The following VAV2 variants were observed in gnomAD, a reference collection of about 807,000 sequenced individuals.
The protein encoded by VAV2 is vav guanine nucleotide exchange factor 2.
In VAV2, 67 loss-of-function variants were observed where a neutral mutation model predicts 132.5. The observed-to-expected ratio is 0.51, with a 90% confidence interval of 0.42 to 0.62. VAV2 has a LOEUF of 0.62. VAV2 is among the 20% of genes least tolerant of loss of function. VAV2 has a pLI of 0.00. For synonymous variants in VAV2, 492 were observed against 443.5 expected (o/e 1.11, Z -1.37); for missense variants, 938 against 1,153.6 (o/e 0.81, Z 2.71).
rs368899494 is a variant in VAV2, at chr9:133,807,289, G to A, written c.704C>T (p.Ala235Val). 23 of 1,610,976 alleles carry A rather than the reference G, an allele frequency of 1.4e-5. No homozygotes were observed. The highest frequency in any genetic ancestry group is 1.7e-5 in the Non-Finnish European group (20 of 1,179,230). The change falls in exon 8 of 30, where the codon GCG becomes GTG. Residue 235 changes from alanine to valine, a missense_variant. By Grantham distance (64) the Ala-to-Val change is moderately conservative (BLOSUM62 0). Transcript: ENST00000371850. ...GTTAATGAAGACAGCTGCCATGTCC[G>A]CCGGGCTCAGCACCAGCCGCAGGGG... is the stretch of plus-strand genomic sequence containing the variant. ...MSPLRLVLSP[A>V]DMAAVFINLE...
intron 2 of VAV2, among the ~76,000 whole-genome samples, chr9:133,871,239 G>A (rs566239119): frequency 9.2e-6 from 1 of 109,188 alleles, no homozygotes; most frequent in Non-Finnish European, 1.9e-5. Flanking sequence ...TGGGTGGGCA[G>A]ATGGATGGAT....
At chr9:133,902,414 C>T in intron 2 of VAV2, among the ~76,000 whole-genome samples, 1 of 152,308 alleles carries the variant, frequency 6.6e-6, no homozygotes, top group East Asian at 1.9e-4. Context: ...TTTGCGGAGC[C>T]TGAAATGCGG....
At chr9:133,786,596 A>T (rs1048983167) in intron 16 of VAV2, among the ~76,000 whole-genome samples, 1 of 152,156 alleles carries the variant, frequency 6.6e-6, no homozygotes, top group Non-Finnish European at 1.5e-5. Flanking sequence ...AAAAAACCTC[A>T]CTTCTCTGAA....
Position 133,834,290 on chromosome 9 carries a change from C to G in VAV2, c.431G>C (p.Ser144Thr). ...TTENDDDVYR[S>T]LEELADEHDL... ...GCCTTACTCGGCCAGCTCCTCCAGG[C>G]TGCGGTAGACGTCATCGTCATTCTC... The change falls in exon 4 of 30, where the codon AGC (serine) becomes ACC (threonine). Residue 144 changes from serine (S) to threonine (T), a missense_variant. By Grantham distance (58) the Ser-to-Thr change is moderately conservative. Transcript: ENST00000371850. This position sits in a 1 kb window ranked among gnomAD's most constrained non-coding sequence, Gnocchi z 5.9. 6.2e-7 allele frequency: 1 copy of G among 1,612,302 alleles called. No individual in the cohort carries two copies. The highest frequency in any genetic ancestry group is 8.5e-7 in the Non-Finnish European group (1 of 1,179,294).
At chr9:133,914,057 T>C (rs1588360911) in intron 2 of VAV2, among the ~76,000 whole-genome samples, 1 of 152,214 alleles carries the variant, frequency 6.6e-6, no homozygotes, top group Non-Finnish European at 1.5e-5. Context: ...CCAAAGACGA[T>C]GCTCACCGCA....
At chr9:133,911,061 G>C (rs1839868779) in intron 2 of VAV2, among the ~76,000 whole-genome samples, 1 of 152,186 alleles carries the variant, frequency 6.6e-6, no homozygotes, top group East Asian at 1.9e-4. Context: ...GGCTACATGG[G>C]CTGCAGGAAG....
intron 2 of VAV2, among the ~76,000 whole-genome samples, chr9:133,876,801 T>C (rs765773285): frequency 1.2e-4 from 18 of 152,144 alleles, no homozygotes; most frequent in Non-Finnish European, 1.8e-4. Context: ...AAAAGGCTGA[T>C]CAAGGCTGCC....
chr9:133,825,378 A>G (rs2486341), intron 4 of VAV2, among the ~76,000 whole-genome samples: 1 of 152,090 alleles, frequency 6.6e-6, no homozygotes, highest in Non-Finnish European at 1.5e-5. Context: ...GGCCTCCTTC[A>G]GACCAGGGCA....
rs778539353 is a variant in VAV2 at position 133,806,186 on chromosome 9, G to C, written c.736-5C>G. 1 of 1,610,380 alleles carries C rather than the reference G, an allele frequency of 6.2e-7. No homozygotes were observed. The highest frequency in any genetic ancestry group is 8.5e-7 in the Non-Finnish European group (1 of 1,179,058). ...GTGATGCACCTTGATCAGGTCCTGG[G>C]TTGAAAACCAGCCGTGAGTGCCTGG... On this transcript the variant is annotated splice_region_variant and splice_polypyrimidine_tract_variant and intron_variant, in intron 8 of 29. Transcript: ENST00000371850.
intron 3 of VAV2, among the ~76,000 whole-genome samples, chr9:133,855,301 A>G (rs1324824364): frequency 6.6e-6 from 1 of 152,252 alleles, no homozygotes; most frequent in Non-Finnish European, 1.5e-5. Context: ...GCCAAGGCCC[A>G]TTCACGGAGC....
intron 2 of VAV2, among the ~76,000 whole-genome samples, chr9:133,891,405 GAT>G: frequency 4.3e-4 from 1 of 2,316 alleles, no homozygotes; most frequent in Non-Finnish European, 9.3e-4. Context: ...ATGGAGGGGA[GAT>G]GGAGGGGGGA....
chr9:133,854,757 G>A (rs1837322795), intron 3 of VAV2, among the ~76,000 whole-genome samples: 1 of 152,140 alleles, frequency 6.6e-6, no homozygotes, highest in Non-Finnish European at 1.5e-5. Flanking sequence ...CACTCCCTAT[G>A]CAGAGGAGGT....
In VAV2 at chr9:133,986,653, C is replaced by T. The variant is rs111568647; in HGVS notation, c.204+5422G>A. On this transcript the variant is annotated intron_variant, in intron 1 of 29. Coordinates refer to ENST00000371850, the MANE Select transcript of VAV2 (RefSeq NM_001134398.2). ...AAAGTTACCTGTGTTGTACTCATAA[C>T]TTTTCCAATGACTGAGATATTTTCA... Among the ~76,000 whole-genome samples, 1,167 of 152,332 alleles carry T rather than the reference C, an allele frequency of 7.7e-3. 15 individuals are homozygous for T. The highest frequency in any genetic ancestry group is 0.012 in the Non-Finnish European group (798 of 68,028).
chr9:133,947,473 G>A (rs1365068626), intron 1 of VAV2, among the ~76,000 whole-genome samples: 2 of 152,150 alleles, frequency 1.3e-5, no homozygotes, highest in Admixed American at 1.3e-4. Flanking sequence ...GCCAAGGCGG[G>A]TGGATCACCT....
In VAV2 at chr9:133,768,341, G is replaced by A; in HGVS notation, c.2589+101C>T. 1.3e-6 allele frequency: 2 copies of A among 1,488,002 alleles called. No individual in the cohort carries two copies. Among genetic ancestry groups the A allele is most frequent in the South Asian group, 1.3e-5 (1 of 78,112 alleles). 92.2% of individuals were successfully genotyped at this position (1,488,002 alleles called of 1,614,324 possible). On this transcript the variant is annotated intron_variant, in intron 29 of 29. Transcript: ENST00000371850. The surrounding 1 kb of genome is among the most constrained non-coding windows in gnomAD (Gnocchi z 5.3). ...GATTGCAGAGGGTGTCTGGAACAGG[G>A]CCTGGGGTGTGGACATAGGTGTGGT...
At chr9:133,771,069 T>TA (rs1833606877) in intron 26 of VAV2, among the ~76,000 whole-genome samples, 1 of 148,428 alleles carries the variant, frequency 6.7e-6, no homozygotes. Flanking sequence ...TTTCTTTTTT[T>TA]TTTTTTTTTT....
intron 1 of VAV2, among the ~76,000 whole-genome samples, chr9:133,987,681 C>T (rs3780799): frequency 0.23 from 35,574 of 152,166 alleles, 5,357 homozygotes; most frequent in Middle Eastern, 0.39. Flanking sequence ...AAGTCAGAGG[C>T]TGGGCGGCGG....
rs529382438 is a variant in VAV2 at position 133,992,120 on chromosome 9, G to T, written c.159C>A (p.Gly53=). The T allele has an allele frequency of 3.1e-6, 5 of 1,592,804 alleles. No individual in the cohort carries two copies. The highest frequency in any genetic ancestry group is 4.3e-6 in the Non-Finnish European group (5 of 1,170,516). ...LCQLLHNLSP[G]SIDLKDINFR... is the part of the protein sequence containing the mutation. ...AGTTGATGTCCTTGAGGTCGATGGA[G>T]CCGGGGGAGAGGTTGTGCAGCAGCT... The change falls in exon 1 of 30, where the codon GGC becomes GGA. Residue 53 remains glycine, a synonymous_variant. Coordinates refer to ENST00000371850, the MANE Select transcript of VAV2 (RefSeq NM_001134398.2). The surrounding 1 kb of genome is among the most constrained non-coding windows in gnomAD (Gnocchi z 5.5).
At chr9:133,872,461 A>G (rs1211001247) in intron 2 of VAV2, among the ~76,000 whole-genome samples, 1 of 152,160 alleles carries the variant, frequency 6.6e-6, no homozygotes, top group African/African-American at 2.4e-5. Context: ...AGTCAGCTAC[A>G]CTGGCCCAGC....
Sources: allele counts gnomAD v4.1 joint callset (sites outside exome capture counted in the v4.1 genomes callset), GRCh38; gene constraint gnomAD v4.1.1; non-coding constraint Gnocchi (gnomAD v3.1); transcripts MANE v1.5; gene names NCBI Gene and HGNC (gene_info 2026-07-23, HGNC 2026-07-21).